EPHA6: variants seen among roughly 807,000 people sequenced by gnomAD.
EPHA6 encodes ephrin type-A receptor 6.
In EPHA6, 50 loss-of-function variants were observed where a neutral mutation model predicts 112.0. The observed-to-expected ratio is 0.45, with a 90% CI of 0.36 to 0.56. The LOEUF (loss-of-function observed/expected upper bound fraction) is 0.56. EPHA6 is among the 20% of genes least tolerant of loss of function. EPHA6 has a pLI of 0.00. For missense variants in EPHA6, 1,280 were observed against 1,417.4 expected, an observed-to-expected ratio of 0.90 and a Z score of 1.56; for synonymous variants, 529 against 490.7, an observed-to-expected ratio of 1.08 and a Z score of -1.03.
chr3:97,405,311 T>C, intron 6 of EPHA6, 37 bp downstream of exon 6: 1 of 1,499,446 alleles, frequency 6.7e-7, no homozygotes, highest in Non-Finnish European at 9.2e-7. Context: ...AAACTACATA[T>C]ATATGCATAT....
chr3:97,170,885 TGGG>T (rs2076682083), intron 3 of EPHA6, among the ~76,000 whole-genome samples: 1 of 152,206 alleles, frequency 6.6e-6, no homozygotes, highest in Non-Finnish European at 1.5e-5. Context: ...CAAGTTAAAA[TGGG>T]GTTGCATCCT....
At position 97,758,154 on chromosome 3, in the gene EPHA6, G is replaced by A. The variant is rs2036070232; in HGVS notation, c.*9453G>A. On this transcript the variant is annotated 3_prime_UTR_variant, in exon 18 of 18. Coordinates refer to ENST00000389672, the MANE Select transcript of EPHA6 (RefSeq NM_001080448.3). ...CAAGTAGGATACTTCAAACAAGAGT[G>A]AAAAGCTACTCCATTTACGTGTAAT... 1.3e-5 allele frequency among the ~76,000 whole-genome samples: 2 copies of A among 151,910 alleles called. No homozygotes were observed. Among genetic ancestry groups the A allele is most frequent in the Admixed American group, 1.3e-4 (2 of 15,248 alleles).
At chr3:97,281,060 A>T (rs2080267126) in intron 5 of EPHA6, among the ~76,000 whole-genome samples, 1 of 152,198 alleles carries the variant, frequency 6.6e-6, no homozygotes, top group African/African-American at 2.4e-5. Context: ...CTTCTTTGTT[A>T]TGATTACTTA....
At chr3:97,423,068 G>T (rs1191906362) in intron 6 of EPHA6, among the ~76,000 whole-genome samples, 1 of 152,146 alleles carries the variant, frequency 6.6e-6, no homozygotes, top group African/African-American at 2.4e-5. Context: ...GCAAAAGCTG[G>T]AAGCCTTTCC....
chr3:97,042,978 G>C (rs2108058845), intron 3 of EPHA6, among the ~76,000 whole-genome samples: 1 of 152,222 alleles, frequency 6.6e-6, no homozygotes, highest in South Asian at 2.1e-4. Flanking sequence ...CAGAAAGGTA[G>C]CCTTAATAAC....
intron 3 of EPHA6, among the ~76,000 whole-genome samples, chr3:97,200,760 A>G (rs1470261115): frequency 6.6e-6 from 1 of 152,146 alleles, no homozygotes; most frequent in Non-Finnish European, 1.5e-5. Context: ...TGCAAAAATG[A>G]ATATGGCATA....
chr3:97,046,519 C>T lies in EPHA6; in HGVS notation c.1114+58526C>T, dbSNP rs551400211. Among the ~76,000 whole-genome samples the T allele has an allele frequency of 6.6e-5, 10 of 152,164 alleles. No homozygotes were observed. The East Asian group carries it at 7.7e-4, about 12-fold the overall frequency. On this transcript the variant is annotated intron_variant, in intron 3 of 17. Transcript: ENST00000389672. ...TGCCCACTACCACTACTTTGTTCAA[C>T]GATTTGTTTGATGCACTCATTCTAC... is the stretch of plus-strand genomic sequence containing the variant.
intron 14 of EPHA6, among the ~76,000 whole-genome samples, chr3:97,713,703 A>G (rs1433060195): frequency 6.6e-6 from 1 of 152,332 alleles, no homozygotes; most frequent in East Asian, 1.9e-4. Flanking sequence ...TTCAAGGACA[A>G]GCGTTTCATA....
Position 97,614,120 on chromosome 3 carries a change from T to TTTTA in EPHA6, c.2574+3268_2574+3269insTATT, listed in dbSNP as rs2093743088. 3.9e-5 allele frequency among the ~76,000 whole-genome samples: 6 copies of TTTTA among 152,232 alleles called. No homozygotes were observed. In the East Asian group the frequency reaches 7.7e-4, roughly 20 times the overall value. ...TTAACATTGTTTTTTGTTTTTTGTT[T>TTTTA]TTATTATACTTTAAGTTTTAGGGTA... On this transcript the variant is annotated intron_variant, in intron 13 of 17. Coordinates refer to ENST00000389672, the MANE Select transcript of EPHA6 (RefSeq NM_001080448.3).
chr3:97,048,880 A>G (rs2045595659), intron 3 of EPHA6, among the ~76,000 whole-genome samples: 1 of 152,156 alleles, frequency 6.6e-6, no homozygotes, highest in Non-Finnish European at 1.5e-5. Flanking sequence ...GAGAATAGGA[A>G]GTGTGAGATT....
chr3:96,872,759 C>G (rs961021928), intron 2 of EPHA6, among the ~76,000 whole-genome samples: 1 of 151,562 alleles, frequency 6.6e-6, no homozygotes, highest in African/African-American at 2.4e-5. Context: ...TTTCAAGGTT[C>G]TTTATATTTG....
At position 97,518,835 on chromosome 3, in the gene EPHA6, T is replaced by C. The variant is rs2092490946; in HGVS notation, c.2201-13523T>C. Among the ~76,000 whole-genome samples, 6 of 152,154 alleles carry C rather than the reference T, an allele frequency of 3.9e-5. No homozygotes were observed. The South Asian group carries it at 1.2e-3, about 32-fold the overall frequency. On this transcript the variant is annotated intron_variant, in intron 10 of 17. Coordinates refer to ENST00000389672, the MANE Select transcript of EPHA6 (RefSeq NM_001080448.3). Reference sequence around the variant, plus strand: ...CCCACTTTTTAATAAAATTATTTGTTTTTTTGTTTGTTTTGTTTTGTTTTT... The same window carrying C: ...CCCACTTTTTAATAAAATTATTTGTCTTTTTGTTTGTTTTGTTTTGTTTTT...
chr3:97,666,357 C>T (rs2030107208), intron 14 of EPHA6, among the ~76,000 whole-genome samples: 1 of 152,160 alleles, frequency 6.6e-6, no homozygotes, highest in Non-Finnish European at 1.5e-5. Context: ...AACTGAGTGG[C>T]TTAATCAACA....
At chr3:97,357,316 T>C (rs548109863) in intron 5 of EPHA6, among the ~76,000 whole-genome samples, 3 of 152,200 alleles carry the variant, frequency 2.0e-5, no homozygotes, top group Admixed American at 6.5e-5. Context: ...AAGTGATTCT[T>C]GTGCCTAACC....
Position 97,033,820 on chromosome 3 carries a change from T to C in EPHA6, c.1114+45827T>C, listed in dbSNP as rs567294195. On this transcript the variant is annotated intron_variant, in intron 3 of 17. Transcript: ENST00000389672. ...TGTATAGTTCAAGACTATAAAATGC[T>C]GTTATGTCTAATCACCCCCCAAATT... is the stretch of plus-strand genomic sequence containing the variant. Among the ~76,000 whole-genome samples the C allele has an allele frequency of 1.1e-4, 17 of 152,090 alleles. No homozygotes were observed. In the South Asian group the frequency reaches 3.1e-3, roughly 28 times the overall value.
At chr3:97,587,307 T>C (rs1021434930) in intron 11 of EPHA6, among the ~76,000 whole-genome samples, 11 of 152,114 alleles carry the variant, frequency 7.2e-5, no homozygotes, top group African/African-American at 2.4e-4. Flanking sequence ...TTCAAATTAT[T>C]GTTCATGTTC....
At chr3:97,299,330 C>A (rs1227751641) in intron 5 of EPHA6, among the ~76,000 whole-genome samples, 1 of 151,786 alleles carries the variant, frequency 6.6e-6, no homozygotes, top group Non-Finnish European at 1.5e-5. Context: ...ATTTCTTAAT[C>A]ATTTAGGTAA....
At chr3:97,526,331 G>A (rs535305318) in intron 10 of EPHA6, among the ~76,000 whole-genome samples, 14 of 152,338 alleles carry the variant, frequency 9.2e-5, no homozygotes, top group Admixed American at 2.6e-4. Flanking sequence ...TTGGCAAAGC[G>A]TGTCAGGGAA....
intron 5 of EPHA6, among the ~76,000 whole-genome samples, chr3:97,249,376 A>G (rs2079070472): frequency 6.6e-6 from 1 of 152,192 alleles, no homozygotes; most frequent in Non-Finnish European, 1.5e-5. Flanking sequence ...CATAATGATT[A>G]TAGTGCAGCC....
Sources: allele counts gnomAD v4.1 joint callset (sites outside exome capture counted in the v4.1 genomes callset), GRCh38; gene constraint gnomAD v4.1.1; transcripts MANE v1.5; gene names NCBI Gene and HGNC (gene_info 2026-07-23, HGNC 2026-07-21).